The following MYO1D variants were observed in gnomAD, a reference collection of about 807,000 sequenced individuals.
The protein encoded by MYO1D is myosin ID.
Under a neutral mutation model 122.0 loss-of-function variants are expected in MYO1D, and 83 were observed. The observed-to-expected ratio is 0.68, with a 90% confidence interval of 0.57 to 0.82. MYO1D has a LOEUF of 0.82. MYO1D is among the 40% of genes least tolerant of loss of function. MYO1D has a pLI of 0.00. For missense variants in MYO1D, 1,157 were observed against 1,269.5 expected (o/e 0.91, Z 1.35); for synonymous variants, 464 against 446.9 (o/e 1.04, Z -0.48).
intron 21 of MYO1D, among the ~76,000 whole-genome samples, chr17:32,583,900 T>C (rs1053050414): frequency 7.9e-5 from 12 of 152,188 alleles, no homozygotes; most frequent in African/African-American, 2.9e-4. Flanking sequence ...CCACGTGCCC[T>C]GCTTATTTGG....
At chr17:32,678,208 C>A (rs1357010452) in intron 16 of MYO1D, among the ~76,000 whole-genome samples, 1 of 152,108 alleles carries the variant, frequency 6.6e-6, no homozygotes, top group Non-Finnish European at 1.5e-5. Flanking sequence ...CTTAATAGCA[C>A]CTCCTCAGAG....
At chr17:32,620,431 T>C (rs1434983601) in intron 20 of MYO1D, among the ~76,000 whole-genome samples, 1 of 152,146 alleles carries the variant, frequency 6.6e-6, no homozygotes, top group Non-Finnish European at 1.5e-5. Context: ...ACCCCTTTCT[T>C]GTACTTTTGG....
chr17:32,746,249 G>C (rs1001372213), intron 12 of MYO1D, among the ~76,000 whole-genome samples: 3 of 152,172 alleles, frequency 2.0e-5, no homozygotes, highest in Non-Finnish European at 1.5e-5. Flanking sequence ...ATACTTTCAA[G>C]TCACTTTTGA....
intron 21 of MYO1D, among the ~76,000 whole-genome samples, chr17:32,569,890 G>A (rs964948116): frequency 3.9e-5 from 6 of 152,036 alleles, no homozygotes. Context: ...GTATCACAGG[G>A]CAAGTCACTA....
At chr17:32,512,424 T>C (rs1312478371) in intron 21 of MYO1D, among the ~76,000 whole-genome samples, 4 of 152,338 alleles carry the variant, frequency 2.6e-5, no homozygotes, top group East Asian at 1.9e-4. Context: ...CCTGAGCTAC[T>C]GTATCAGGTG....
rs568519865 is a variant in MYO1D at position 32,702,478 on chromosome 17, C to CT, written c.2121+9509dup. On this transcript the variant is annotated intron_variant, in intron 16 of 21. Transcript: ENST00000318217. Reference sequence around the variant, plus strand: ...AATATTTTATTTCACTAGCTTGAGGCTTTTTTTTCCCTGTTCTTGGCTTTA... The same window carrying CT: ...AATATTTTATTTCACTAGCTTGAGGCTTTTTTTTTCCCTGTTCTTGGCTTTA... 2.8e-3 allele frequency among the ~76,000 whole-genome samples: 426 copies of CT among 151,820 alleles called. 2 individuals carry two copies. Among genetic ancestry groups the CT allele is most frequent in the African/African-American group, 9.9e-3 (410 of 41,368 alleles).
chr17:32,756,004 T>C (rs1486827918), intron 10 of MYO1D, among the ~76,000 whole-genome samples: 3 of 152,128 alleles, frequency 2.0e-5, no homozygotes, highest in Non-Finnish European at 2.9e-5. Context: ...CTGCCTGCCA[T>C]TAACTGTAAG....
At chr17:32,553,621 CT>C (rs892715436) in intron 21 of MYO1D, among the ~76,000 whole-genome samples, 1 of 152,172 alleles carries the variant, frequency 6.6e-6, no homozygotes, top group African/African-American at 2.4e-5. Context: ...CCTTGAAACT[CT>C]TTTTCTCTCG....
intron 20 of MYO1D, among the ~76,000 whole-genome samples, chr17:32,614,094 T>A (rs963341105): frequency 4.4e-5 from 6 of 135,224 alleles, no homozygotes; most frequent in African/African-American, 8.3e-5. Context: ...TTTTTTTTTT[T>A]AACTCTGGAG....
At chr17:32,582,902 C>T (rs989958888) in intron 21 of MYO1D, among the ~76,000 whole-genome samples, 39 of 152,208 alleles carry the variant, frequency 2.6e-4, no homozygotes, top group African/African-American at 8.2e-4. Flanking sequence ...ATTTTTAAAA[C>T]AGATAATTGT....
chr17:32,615,536 T>C (rs2087760003), intron 20 of MYO1D, among the ~76,000 whole-genome samples: 1 of 152,190 alleles, frequency 6.6e-6, no homozygotes, highest in Non-Finnish European at 1.5e-5. Flanking sequence ...ATGTAAAATT[T>C]AGAGGAAACA....
At chr17:32,642,448 T>A (rs941157034) in intron 19 of MYO1D, among the ~76,000 whole-genome samples, 3 of 152,212 alleles carry the variant, frequency 2.0e-5, no homozygotes, top group African/African-American at 7.2e-5. Flanking sequence ...TTTACAGTAG[T>A]TTTTTCCAAT....
intron 13 of MYO1D, among the ~76,000 whole-genome samples, chr17:32,740,110 A>G (rs193186223): frequency 3.0e-4 from 46 of 152,364 alleles, no homozygotes; most frequent in African/African-American, 1.0e-3. Flanking sequence ...TCTTTAGCAC[A>G]GAAATAATTT....
chr17:32,858,291 T>C (rs1891197159), intron 1 of MYO1D, among the ~76,000 whole-genome samples: 1 of 152,206 alleles, frequency 6.6e-6, no homozygotes, highest in Non-Finnish European at 1.5e-5. Flanking sequence ...GATTAACATA[T>C]GATATATTGC....
intron 16 of MYO1D, among the ~76,000 whole-genome samples, chr17:32,675,018 A>G (rs1567942391): frequency 6.6e-6 from 1 of 152,236 alleles, no homozygotes; most frequent in Admixed American, 6.5e-5. Flanking sequence ...AAGACAATGT[A>G]TATTTATTAA....
chr17:32,832,242 G>C (rs1441469205), intron 1 of MYO1D, among the ~76,000 whole-genome samples: 2 of 150,712 alleles, frequency 1.3e-5, no homozygotes, highest in African/African-American at 4.9e-5. Context: ...TGACTCCACT[G>C]CTGGAACTAC....
At chr17:32,638,866 A>C in intron 19 of MYO1D, 31 bp from the exon 20 acceptor site, 7 of 1,432,844 alleles carry the variant, frequency 4.9e-6, no homozygotes, top group Non-Finnish European at 6.9e-6. Context: ...AAACCATAGT[A>C]TCTCATCAAT....
chr17:32,570,637 C>T (rs781183263), intron 21 of MYO1D, among the ~76,000 whole-genome samples: 3 of 152,168 alleles, frequency 2.0e-5, no homozygotes, highest in Admixed American at 2.0e-4. Context: ...CAGGCGTGAG[C>T]CACTGCGCCT....
At chr17:32,810,528 A>G (rs946505001) in intron 1 of MYO1D, among the ~76,000 whole-genome samples, 12 of 148,094 alleles carry the variant, frequency 8.1e-5, no homozygotes, top group Admixed American at 6.8e-4. Flanking sequence ...CCCAGGCTGG[A>G]GTGCAATGGC....
Sources: gnomAD v4.1 joint callset for allele counts (sites outside exome capture counted in the v4.1 genomes callset) on GRCh38, gnomAD v4.1.1 for gene constraint, MANE v1.5 for transcripts, NCBI Gene and HGNC (gene_info 2026-07-23, HGNC 2026-07-21) for gene names.